The following ZNF740 variants were observed in gnomAD, a reference collection of about 807,000 sequenced individuals.
The protein encoded by ZNF740 is zinc finger protein 740.
A neutral mutation model predicts 24.8 loss-of-function variants in ZNF740; 14 were observed. The ratio of observed to expected loss-of-function variants is 0.56; its 90% CI spans 0.37 to 0.88. The LOEUF is 0.88. Ranked by LOEUF, ZNF740 falls within the 40% of genes least tolerant of loss-of-function variation. The pLI, the probability that ZNF740 is intolerant of heterozygous loss-of-function variation, is 0.00. For missense variants in ZNF740, 201 were observed against 247.9 expected (o/e 0.81, Z 1.27); for synonymous variants, 69 against 84.0 (o/e 0.82, Z 0.98).
Position 53,185,600 on chromosome 12 carries a change from T to A in ZNF740, c.249+124T>A. 5.8e-6 allele frequency: 5 copies of A among 862,220 alleles called. No homozygotes were observed. In the East Asian group the frequency reaches 1.1e-4, roughly 18 times the overall value. 53.4% of individuals were successfully genotyped at this position (862,220 alleles called of 1,614,324 possible). On this transcript the variant is annotated intron_variant, in intron 4 of 6. Coordinates refer to ENST00000416904, the MANE Select transcript of ZNF740 (RefSeq NM_001004304.4). ...GCTTTGATCTCTGATAGCCAGTGAG[T>A]GAGTCCCCCAGATTTCATCCAGAGA... is the stretch of plus-strand genomic sequence containing the variant.
In ZNF740 at chr12:53,193,500, T is replaced by G; in HGVS notation, c.*5910T>G. The G allele has an allele frequency of 1.3e-6, 1 of 764,442 alleles. No homozygotes were observed. Among genetic ancestry groups the G allele is most frequent in the East Asian group, 2.7e-5 (1 of 36,860 alleles). The allele number at this position is 764,442 out of a possible 1,614,324, so 47.4% of individuals were successfully genotyped here. On this transcript the variant is annotated 3_prime_UTR_variant, in exon 7 of 7. Coordinates refer to ENST00000416904, the MANE Select transcript of ZNF740 (RefSeq NM_001004304.4). Reference sequence around the variant, plus strand: ...ACAGCTGAAAGGATGTTAAGTATAGTGAAACACTGAGGGGTGAGAGAGTGG... The same window carrying G: ...ACAGCTGAAAGGATGTTAAGTATAGGGAAACACTGAGGGGTGAGAGAGTGG...
chr12:53,188,842 T>C lies in ZNF740; in HGVS notation c.*1252T>C, dbSNP rs1941874390. On this transcript the variant is annotated 3_prime_UTR_variant, in exon 7 of 7. Coordinates refer to ENST00000416904, the MANE Select transcript of ZNF740 (RefSeq NM_001004304.4). ...TTCTTAACCATATTCTTTGCTCCTC[T>C]CTGCTCCAATACCACCACCTTGTCC... 1 of 152,244 alleles carries C rather than the reference T, an allele frequency of 6.6e-6. No individual in the cohort carries two copies. The highest frequency in any genetic ancestry group is 2.4e-5 in the African/African-American group (1 of 41,450). The allele number at this position is 152,244 out of a possible 1,614,324, so 9.4% of individuals were successfully genotyped here.
At chr12:53,187,039 C>G (rs1400342386) in intron 6 of ZNF740, among the ~76,000 whole-genome samples, 1 of 152,218 alleles carries the variant, frequency 6.6e-6, no homozygotes, top group Non-Finnish European at 1.5e-5. Context: ...ATAGCTAACA[C>G]TTCCTGGATG....
rs61730604 is a variant in ZNF740 at position 53,193,227 on chromosome 12, G to A, written c.*5637G>A. 6.0e-5 allele frequency: 97 copies of A among 1,614,032 alleles called. No individual in the cohort carries two copies. The highest frequency in any genetic ancestry group is 8.1e-5 in the Non-Finnish European group (95 of 1,180,028). ...GAGCTCTGTCCACTGCAGCTGCAGCGTCCACATTGACAGTGACCCTTTCCA... is the reference window on the plus strand; with the variant it reads ...GAGCTCTGTCCACTGCAGCTGCAGCATCCACATTGACAGTGACCCTTTCCA... On this transcript the variant is annotated 3_prime_UTR_variant, in exon 7 of 7. Coordinates refer to ENST00000416904, the MANE Select transcript of ZNF740 (RefSeq NM_001004304.4).
rs1163846564 is a variant in ZNF740, at chr12:53,187,627, A to G, written c.*37A>G. The G allele has an allele frequency of 3.2e-6, 5 of 1,555,718 alleles. No individual in the cohort carries two copies. The African/African-American group carries it at 6.8e-5, about 21-fold the overall frequency. ...CCCGGGTGGTGGGAGTGATCAGAAG[A>G]ACCTGCCGAAGAGCACACCCCCTCT... On this transcript the variant is annotated 3_prime_UTR_variant, in exon 7 of 7. Transcript: ENST00000416904.
chr12:53,182,033 C>G, intron 2 of ZNF740, 41 bp downstream of exon 2: 1 of 1,599,348 alleles, frequency 6.3e-7, no homozygotes, highest in Non-Finnish European at 8.5e-7. Context: ...AACTGGGAAG[C>G]CTGTTTGCAG....
chr12:53,192,429 C>T lies in ZNF740; in HGVS notation c.*4839C>T, dbSNP rs1941989058. The T allele has an allele frequency of 6.2e-7, 1 of 1,614,140 alleles. No homozygotes were observed. Among genetic ancestry groups the T allele is most frequent in the Non-Finnish European group, 8.5e-7 (1 of 1,180,036 alleles). On this transcript the variant is annotated 3_prime_UTR_variant, in exon 7 of 7. Coordinates refer to ENST00000416904, the MANE Select transcript of ZNF740 (RefSeq NM_001004304.4). ...TCCAGGGTCCGCTCTTTGCACCAGC[C>T]ATCATCCAAGATAGGGGCCAAGGCC...
At position 53,191,469 on chromosome 12, in the gene ZNF740, A is replaced by T; in HGVS notation, c.*3879A>T. ...TCGCCAGTGAATTAGTCCCCTACCAAGGTCTTACAGACCCACCCTTCCTCT... is the reference window on the plus strand; with the variant it reads ...TCGCCAGTGAATTAGTCCCCTACCATGGTCTTACAGACCCACCCTTCCTCT... On this transcript the variant is annotated 3_prime_UTR_variant, in exon 7 of 7. Transcript: ENST00000416904. 9.6e-7 allele frequency: 1 copy of T among 1,038,992 alleles called. No homozygotes were observed. Among genetic ancestry groups the T allele is most frequent in the Non-Finnish European group, 1.5e-6 (1 of 657,042 alleles). 64.4% of individuals were successfully genotyped at this position (1,038,992 alleles called of 1,614,324 possible). A position where few individuals can be genotyped will look rare whatever the true frequency, so the allele number is the denominator to read the frequency against.
rs775617296 is a variant in ZNF740 at position 53,184,989 on chromosome 12, C to T, written c.108C>T (p.Ala36=). ...MMLSQIASKQ[A]ENGERAGSPD... ...TGAGCCAGATTGCCAGCAAGCAGGCCGAGAATGGCGAGCGGGCAGGTAGCC... is the reference window on the plus strand; with the variant it reads ...TGAGCCAGATTGCCAGCAAGCAGGCTGAGAATGGCGAGCGGGCAGGTAGCC... Residue 36 remains alanine, a synonymous_variant, in exon 3 of 7, where the codon GCC becomes GCT. Coordinates refer to ENST00000416904, the MANE Select transcript of ZNF740 (RefSeq NM_001004304.4). The T allele has an allele frequency of 8.7e-6, 14 of 1,613,850 alleles. No individual in the cohort carries two copies. The highest frequency in any genetic ancestry group is 4.0e-5 in the African/African-American group (3 of 74,912).
chr12:53,182,288 G>A (rs1039007959), intron 2 of ZNF740: 5 of 405,866 alleles, frequency 1.2e-5, no homozygotes, highest in South Asian at 3.9e-5. Flanking sequence ...GTGTAAGGGA[G>A]TGAATAGTAC....
At chr12:53,183,705 T>C (rs1404574678) in intron 2 of ZNF740, among the ~76,000 whole-genome samples, 1 of 152,086 alleles carries the variant, frequency 6.6e-6, no homozygotes, top group East Asian at 1.9e-4. Flanking sequence ...ACTCCAAAAA[T>C]CATATCAGTT....
intron 6 of ZNF740, 196 bp downstream of exon 6, chr12:53,186,705 T>C (rs1941828635): frequency 2.0e-6 from 1 of 511,002 alleles, no homozygotes. Flanking sequence ...GTAATAATAA[T>C]AATAATAGCA....
In ZNF740 at chr12:53,192,790, T is replaced by A. The variant is rs148177808; in HGVS notation, c.*5200T>A. On this transcript the variant is annotated 3_prime_UTR_variant, in exon 7 of 7. Transcript: ENST00000416904. ...GCAGCGGTTGCATTTGCAGCGTCCATGCCCACTGCAGAGCCCTCCCTCGGG... is the reference window on the plus strand; with the variant it reads ...GCAGCGGTTGCATTTGCAGCGTCCAAGCCCACTGCAGAGCCCTCCCTCGGG... 2.4e-5 allele frequency: 38 copies of A among 1,614,104 alleles called. No homozygotes were observed. In the African/African-American group the frequency reaches 4.0e-4, roughly 17 times the overall value.
At chr12:53,185,115 G>C (rs918905143) in intron 3 of ZNF740, 75 bp downstream of exon 3, 62 of 1,591,942 alleles carry the variant, frequency 3.9e-5, no homozygotes, top group Non-Finnish European at 5.3e-5. Context: ...ACCAAGCTCT[G>C]ATTCCTTGAT....
At chr12:53,184,150 T>TGTGTGTGTGCGTGC (rs59250662) in intron 2 of ZNF740, among the ~76,000 whole-genome samples, 1 of 104,346 alleles carries the variant, frequency 9.6e-6, no homozygotes, top group African/African-American at 3.7e-5. Flanking sequence ...TGTGTGTGTG[T>TGTGTGTGTGCGTGC]GCGCGCGCGC....
intron 4 of ZNF740, 122 bp from the exon 5 acceptor site, chr12:53,185,817 TACAGGAGATGGCAGC>T: frequency 8.4e-7 from 1 of 1,195,714 alleles, no homozygotes; most frequent in South Asian, 1.6e-5. Flanking sequence ...CTCCATGGAG[TACAGGAGATGGCAGC>T]ACCTTTAGAC....
rs1941852803 is a variant in ZNF740 at position 53,187,808 on chromosome 12, C to T, written c.*218C>T. On this transcript the variant is annotated 3_prime_UTR_variant, in exon 7 of 7. Coordinates refer to ENST00000416904, the MANE Select transcript of ZNF740 (RefSeq NM_001004304.4). ...GAGTATCTCGGGGAAGTTCTTACAG[C>T]ATTCCTGGGTAGGGGAGCTAGTCCC... is the stretch of plus-strand genomic sequence containing the variant. 2 of 541,560 alleles carry T rather than the reference C, an allele frequency of 3.7e-6. No individual in the cohort carries two copies. The highest frequency in any genetic ancestry group is 6.4e-5 in the East Asian group (2 of 31,154). 33.5% of individuals were successfully genotyped at this position (541,560 alleles called of 1,614,324 possible).
chr12:53,185,888 A>G, intron 4 of ZNF740, 66 bp from the exon 5 acceptor site: 2 of 1,586,674 alleles, frequency 1.3e-6, no homozygotes, highest in Non-Finnish European at 1.7e-6. Flanking sequence ...GTGGACCCAG[A>G]GTAGAACAGT....
In ZNF740 at chr12:53,192,100, G is replaced by T; in HGVS notation, c.*4510G>T. ...CAGTTGCTCACAGTGTGTCCAGCCT[G>T]TCCAACCCTGTCTGTCACTGAAAGC... is the stretch of plus-strand genomic sequence containing the variant. On this transcript the variant is annotated 3_prime_UTR_variant, in exon 7 of 7. Transcript: ENST00000416904. The T allele has an allele frequency of 6.7e-7, 1 of 1,488,710 alleles. No individual in the cohort carries two copies. The highest frequency in any genetic ancestry group is 9.1e-7 in the Non-Finnish European group (1 of 1,100,640). The allele number at this position is 1,488,710 out of a possible 1,614,324, so 92.2% of individuals were successfully genotyped here. A position where few individuals can be genotyped will look rare whatever the true frequency, so the allele number is the denominator to read the frequency against.
Sources: gnomAD v4.1 joint callset for allele counts (sites outside exome capture counted in the v4.1 genomes callset) on GRCh38, gnomAD v4.1.1 for gene constraint, MANE v1.5 for transcripts, NCBI Gene and HGNC (gene_info 2026-07-23, HGNC 2026-07-21) for gene names.